The following ZNF35 variants were observed in gnomAD, a reference collection of about 807,000 sequenced individuals.
ZNF35 encodes the protein zinc finger protein 35.
A neutral mutation model predicts 45.9 loss-of-function variants in ZNF35; 31 were observed. That is an observed-to-expected ratio of 0.68 (90% CI 0.51 to 0.91). The LOEUF is 0.91. Ranked by LOEUF, ZNF35 falls within the 40% of genes least tolerant of loss-of-function variation. The pLI, the probability that ZNF35 is intolerant of heterozygous loss-of-function variation, is 0.00. For missense variants in ZNF35, 515 were observed against 625.4 expected (o/e 0.82, Z 1.88); for synonymous variants, 205 against 220.2 (o/e 0.93, Z 0.61).
rs766437909 is a variant in ZNF35 at position 44,659,565 on chromosome 3, G to A, written c.1202G>A (p.Cys401Tyr). The A allele has an allele frequency of 6.2e-7, 1 of 1,613,786 alleles. No individual in the cohort carries two copies. Among genetic ancestry groups the A allele is most frequent in the Non-Finnish European group, 8.5e-7 (1 of 1,179,926 alleles). Residue 401 changes from cysteine to tyrosine, a missense_variant, in exon 4 of 4, where the codon TGT becomes TAT. This residue lies in a region of ZNF35 where 232 missense variants were observed against 304.6 expected (regional missense o/e 0.76). Transcript: ENST00000396056. The surrounding 1 kb of genome is among the most constrained non-coding windows in gnomAD (Gnocchi z 4.3). Reference protein sequence around the residue: ...ECKECGKAFSCFSHLIVHQRI... With the variant: ...ECKECGKAFSYFSHLIVHQRI... ...AAAGAGTGTGGGAAAGCCTTTAGTTGTTTTTCACACCTTATTGTGCACCAG... is the reference window on the plus strand; with the variant it reads ...AAAGAGTGTGGGAAAGCCTTTAGTTATTTTTCACACCTTATTGTGCACCAG...
In ZNF35 at chr3:44,659,381, G is replaced by A. The variant is rs1321966554; in HGVS notation, c.1018G>A (p.Gly340Arg). 6.2e-7 allele frequency: 1 copy of A among 1,613,732 alleles called. No homozygotes were observed. The highest frequency in any genetic ancestry group is 8.5e-7 in the Non-Finnish European group (1 of 1,179,878). ...AAAATGCTATGAATGTAATGAATGTGGGAAAACATTTACTAGGAGCTCAAA... is the reference window on the plus strand; with the variant it reads ...AAAATGCTATGAATGTAATGAATGTAGGAAAACATTTACTAGGAGCTCAAA... ...TEKCYECNEC[G>R]KTFTRSSNLI... is the part of the protein sequence containing the mutation. The change falls in exon 4 of 4, where the codon GGG becomes AGG. Residue 340 changes from glycine (G) to arginine (R), a missense_variant. Gly to Arg is a moderately radical substitution (Grantham distance 125). Coordinates refer to ENST00000396056, the MANE Select transcript of ZNF35 (RefSeq NM_003420.4). This position sits in a 1 kb window ranked among gnomAD's most constrained non-coding sequence, Gnocchi z 4.3.
At chr3:44,653,304 A>T (rs1289581089) in intron 3 of ZNF35, among the ~76,000 whole-genome samples, 2 of 152,160 alleles carry the variant, frequency 1.3e-5, no homozygotes, top group Non-Finnish European at 2.9e-5. Flanking sequence ...CTTTGCTTGG[A>T]ACTCCAAACT....
Position 44,660,033 on chromosome 3 carries a change from C to A in ZNF35, c.*86C>A. 1 of 1,369,566 alleles carries A rather than the reference C, an allele frequency of 7.3e-7. No homozygotes were observed. Among genetic ancestry groups the A allele is most frequent in the Non-Finnish European group, 9.8e-7 (1 of 1,020,214 alleles). 84.8% of individuals were successfully genotyped at this position (1,369,566 alleles called of 1,614,324 possible). ...ACCTCTTTGCTGTTTTCTTCCTCCTCTATAAAAGTGAGGGCTGTGTCCTTA... is the reference window on the plus strand; with the variant it reads ...ACCTCTTTGCTGTTTTCTTCCTCCTATATAAAAGTGAGGGCTGTGTCCTTA... On this transcript the variant is annotated 3_prime_UTR_variant, in exon 4 of 4. Coordinates refer to ENST00000396056, the MANE Select transcript of ZNF35 (RefSeq NM_003420.4).
intron 1 of ZNF35, among the ~76,000 whole-genome samples, chr3:44,649,660 C>T (rs1703142654): frequency 6.6e-6 from 1 of 151,762 alleles, no homozygotes; most frequent in African/African-American, 2.4e-5. Context: ...TACATATCAA[C>T]CAGCAAATCC....
Position 44,651,191 on chromosome 3 carries a change from A to G in ZNF35, c.124A>G (p.Asn42Asp). The G allele has an allele frequency of 6.2e-7, 1 of 1,614,186 alleles. No individual in the cohort carries two copies. Among genetic ancestry groups the G allele is most frequent in the South Asian group, 1.1e-5 (1 of 91,088 alleles). ...QASSQQVHSE[N>D]IKVWAPVQGL... is the part of the protein sequence containing the mutation. The stretch of plus-strand genomic sequence containing the variant: ...ATCCAGCCAACAAGTGCACTCCGAG[A>G]ACATCAAAGTCTGGGCCCCAGTGCA... The change falls in exon 2 of 4, where the codon AAC becomes GAC. Residue 42 changes from asparagine to aspartate, a missense_variant. Asn to Asp is a conservative substitution (Grantham distance 23, BLOSUM62 1). Transcript: ENST00000396056.
At chr3:44,651,283 A>T in intron 2 of ZNF35, 24 bp downstream of exon 2, 2 of 1,603,670 alleles carry the variant, frequency 1.2e-6, no homozygotes, top group Non-Finnish European at 8.5e-7. Context: ...TGAGAGGAAG[A>T]GGGGAGGAGA....
chr3:44,650,287 T>C (rs985927987), intron 1 of ZNF35, among the ~76,000 whole-genome samples: 2 of 152,196 alleles, frequency 1.3e-5, no homozygotes, highest in Admixed American at 1.3e-4. Context: ...TTGGAAGCTA[T>C]GGAAAATGTA....
chr3:44,647,591 G>C (rs753786060), upstream of ZNF35: 29 of 152,138 alleles, frequency 1.9e-4, no homozygotes, highest in Admixed American at 1.5e-3. Flanking sequence ...TGTGGTTTAT[G>C]TATTACCATG....
intron 2 of ZNF35, among the ~76,000 whole-genome samples, chr3:44,651,691 G>C (rs1399617380): frequency 6.6e-6 from 1 of 152,028 alleles, no homozygotes; most frequent in African/African-American, 2.4e-5. Flanking sequence ...AAATTAGCTT[G>C]GCATGGTGGC....
At chr3:44,646,767 C>T (rs567795946), upstream of ZNF35, 24 of 433,158 alleles carry the variant, frequency 5.5e-5, no homozygotes, top group Non-Finnish European at 9.1e-5. Flanking sequence ...ACTAGAGAGC[C>T]GTTAGGTACT....
intron 3 of ZNF35, among the ~76,000 whole-genome samples, chr3:44,653,049 G>GGAC (rs1039979467): frequency 6.0e-4 from 92 of 152,288 alleles, no homozygotes; most frequent in African/African-American, 1.9e-3. Flanking sequence ...TAGAGGCAGT[G>GGAC]GACTGGGCAC....
At chr3:44,658,007 C>T (rs1575517852) in intron 3 of ZNF35, among the ~76,000 whole-genome samples, 1 of 152,128 alleles carries the variant, frequency 6.6e-6, no homozygotes, top group Non-Finnish European at 1.5e-5. Flanking sequence ...CTGAGGCACA[C>T]AGGAGTTAAG....
chr3:44,658,888 A>C lies in ZNF35; in HGVS notation c.525A>C (p.Arg175Ser). 1 of 1,612,438 alleles carries C rather than the reference A, an allele frequency of 6.2e-7. No homozygotes were observed. The highest frequency in any genetic ancestry group is 8.5e-7 in the Non-Finnish European group (1 of 1,179,686). The change falls in exon 4 of 4, where the codon AGA (arginine) becomes AGC (serine). Residue 175 changes from arginine (R) to serine (S), a missense_variant. Arg to Ser is a moderately radical substitution (Grantham distance 110). Around this residue, in one of 3 missense-constraint regions of ZNF35, gnomAD observed 275 missense variants for 295.7 expected, o/e 0.93. Coordinates refer to ENST00000396056, the MANE Select transcript of ZNF35 (RefSeq NM_003420.4). ...TAAAGAGAGAAAAGAAAGATTTCAG[A>C]CAAGTGATAGTGAATGACTGTCACT... ...QRIKREKKDF[R>S]QVIVNDCHLP...
chr3:44,653,158 T>G (rs1703235176), intron 3 of ZNF35, among the ~76,000 whole-genome samples: 1 of 152,072 alleles, frequency 6.6e-6, no homozygotes, highest in African/African-American at 2.4e-5. Context: ...TAACACCCTC[T>G]CCCTAATGAC....
Position 44,659,559 on chromosome 3 carries a change from T to C in ZNF35, c.1196T>C (p.Phe399Ser). The C allele has an allele frequency of 6.2e-7, 1 of 1,613,956 alleles. No individual in the cohort carries two copies. The highest frequency in any genetic ancestry group is 1.1e-5 in the South Asian group (1 of 91,070). Residue 399 changes from phenylalanine to serine, a missense_variant, in exon 4 of 4, where the codon TTT becomes TCT. Transcript: ENST00000396056. The surrounding 1 kb of genome is among the most constrained non-coding windows in gnomAD (Gnocchi z 4.3). ...PYECKECGKAFSCFSHLIVHQ... is the reference protein window; with the variant it reads ...PYECKECGKASSCFSHLIVHQ... Reference sequence around the variant, plus strand: ...GAGTGTAAAGAGTGTGGGAAAGCCTTTAGTTGTTTTTCACACCTTATTGTG... The same window carrying C: ...GAGTGTAAAGAGTGTGGGAAAGCCTCTAGTTGTTTTTCACACCTTATTGTG...
Position 44,658,884 on chromosome 3 carries a change from T to C in ZNF35, c.521T>C (p.Phe174Ser). Residue 174 changes from phenylalanine to serine, a missense_variant, in exon 4 of 4, where the codon TTC (phenylalanine) becomes TCC (serine). Around this residue, in one of 3 missense-constraint regions of ZNF35, gnomAD observed 275 missense variants for 295.7 expected, o/e 0.93. Transcript: ENST00000396056. The stretch of plus-strand genomic sequence containing the variant: ...AGAATAAAGAGAGAAAAGAAAGATT[T>C]CAGACAAGTGATAGTGAATGACTGT... ...RQRIKREKKD[F>S]RQVIVNDCHL... is the part of the protein sequence containing the mutation. The C allele has an allele frequency of 2.5e-6, 4 of 1,612,376 alleles. No individual in the cohort carries two copies. The highest frequency in any genetic ancestry group is 2.2e-5 in the East Asian group (1 of 44,880).
At chr3:44,650,810 G>T in intron 1 of ZNF35, 131 bp from the exon 2 acceptor site, 1 of 385,940 alleles carries the variant, frequency 2.6e-6, no homozygotes. Context: ...GGGAGGAATA[G>T]AGGATTCCAT....
In ZNF35 at chr3:44,659,711, G is replaced by C. The variant is rs772958565; in HGVS notation, c.1348G>C (p.Glu450Gln). The change falls in exon 4 of 4, where the codon GAA becomes CAA. Residue 450 changes from glutamate (E) to glutamine (Q), a missense_variant. Glu to Gln is a conservative substitution (Grantham distance 29). Coordinates refer to ENST00000396056, the MANE Select transcript of ZNF35 (RefSeq NM_003420.4). This position sits in a 1 kb window ranked among gnomAD's most constrained non-coding sequence, Gnocchi z 4.3. ...HSGDLPYVCN[E>Q]CGKAFTCSSY... is the part of the protein sequence containing the mutation. Reference sequence around the variant, plus strand: ...TGGAGATCTTCCTTACGTGTGTAATGAATGTGGGAAGGCCTTCACATGTAG... The same window carrying C: ...TGGAGATCTTCCTTACGTGTGTAATCAATGTGGGAAGGCCTTCACATGTAG... The C allele has an allele frequency of 6.2e-7, 1 of 1,613,974 alleles. No homozygotes were observed. The highest frequency in any genetic ancestry group is 1.1e-5 in the South Asian group (1 of 91,064).
At chr3:44,656,435 G>T (rs894064102) in intron 3 of ZNF35, among the ~76,000 whole-genome samples, 1 of 151,228 alleles carries the variant, frequency 6.6e-6, no homozygotes, top group South Asian at 2.1e-4. Context: ...CTGCTGCCCA[G>T]GCTGGAGTGC....
Sources: gnomAD v4.1 joint callset for allele counts (sites outside exome capture counted in the v4.1 genomes callset) on GRCh38, gnomAD v4.1.1 for gene constraint, gnomAD v4.1.1 regional missense constraint, Gnocchi (gnomAD v3.1) non-coding constraint, MANE v1.5 for transcripts, NCBI Gene and HGNC (gene_info 2026-07-23, HGNC 2026-07-21) for gene names.